Variants in AMZ2 observed in about 807,000 individuals in gnomAD.
AMZ2 encodes the protein archaelysin family metallopeptidase 2, also known as archaemetzincin-2.
In AMZ2, 26 loss-of-function variants were observed where a neutral mutation model predicts 36.7. The observed-to-expected ratio is 0.71, with a 90% CI of 0.52 to 0.98. The LOEUF (loss-of-function observed/expected upper bound fraction) is 0.98, where lower values mean the gene tolerates loss of function less well. Among genes scored for constraint, AMZ2 ranks in the 50% least tolerant of loss-of-function variants. AMZ2 has a pLI of 0.00. For synonymous variants in AMZ2, 144 were observed against 149.1 expected (o/e 0.97, Z 0.25); for missense variants, 394 against 430.5 (o/e 0.92, Z 0.75).
chr17:68,229,314 A>G (rs1283849454), intron 1 of AMZ2, among the ~76,000 whole-genome samples: 1 of 151,988 alleles, frequency 6.6e-6, no homozygotes, highest in Non-Finnish European at 1.5e-5. Flanking sequence ...CGAGCCCCTC[A>G]GCCCGGGTGC....
intron 1 of AMZ2, among the ~76,000 whole-genome samples, chr17:68,213,778 G>A (rs1438560956): frequency 1.3e-5 from 2 of 151,608 alleles, no homozygotes; most frequent in African/African-American, 4.8e-5. Context: ...TTGGTCTTCT[G>A]ACATTCTTAT....
At chr17:68,225,015 T>TAA (rs34686374) in intron 1 of AMZ2, among the ~76,000 whole-genome samples, 17 of 142,064 alleles carry the variant, frequency 1.2e-4, no homozygotes, top group South Asian at 2.2e-4. Context: ...CCGTTTCTAC[T>TAA]AAAAAAAAAA....
intron 6 of AMZ2, among the ~76,000 whole-genome samples, chr17:68,256,576 C>A (rs1163181904): frequency 1.3e-5 from 2 of 152,306 alleles, no homozygotes; most frequent in Admixed American, 1.3e-4. Context: ...GAGTGTATTT[C>A]TTTTTCATCT....
rs575931127 is a variant in AMZ2, at chr17:68,251,186, G to A, written c.586+8G>A. The A allele has an allele frequency of 1.6e-5, 26 of 1,603,140 alleles. No individual in the cohort carries two copies. The South Asian group carries it at 1.8e-4, about 11-fold the overall frequency. ...AGGCCTCTTTGACAGATGGTATTCC[G>A]TTTTTGGCATTGTTGTTAGAAGCTT... is the stretch of plus-strand genomic sequence containing the variant. On this transcript the variant is annotated splice_region_variant and intron_variant, in intron 4 of 6. Coordinates refer to ENST00000359904, the MANE Select transcript of AMZ2 (RefSeq NM_016627.5).
chr17:68,232,770 G>A (rs2144607586), intron 1 of AMZ2, among the ~76,000 whole-genome samples: 1 of 152,200 alleles, frequency 6.6e-6, no homozygotes, highest in Admixed American at 6.5e-5. Context: ...TTTGAACCTA[G>A]GGGGTGGAGG....
chr17:68,211,560 C>T (rs1644457550), intron 1 of AMZ2, among the ~76,000 whole-genome samples: 1 of 150,338 alleles, frequency 6.7e-6, no homozygotes, highest in Non-Finnish European at 1.5e-5. Context: ...GTTTTACAAC[C>T]TTGTGAATAC....
At chr17:68,226,657 G>A (rs2073524093) in intron 1 of AMZ2, among the ~76,000 whole-genome samples, 1 of 152,294 alleles carries the variant, frequency 6.6e-6, no homozygotes, top group East Asian at 1.9e-4. Context: ...CTGGTGGAGG[G>A]CAGGCATCAT....
chr17:68,211,764 A>G (rs1372984851), intron 1 of AMZ2, among the ~76,000 whole-genome samples: 2 of 137,944 alleles, frequency 1.4e-5, no homozygotes, highest in Non-Finnish European at 3.0e-5. Flanking sequence ...GTATATGTAT[A>G]TATGTGTATA....
At chr17:68,229,281 A>T (rs1459696736) in intron 1 of AMZ2, among the ~76,000 whole-genome samples, 1 of 152,230 alleles carries the variant, frequency 6.6e-6, no homozygotes, top group African/African-American at 2.4e-5. Context: ...GGGGAAGCAC[A>T]GCCGTGGCTG....
chr17:68,209,878 C>T (rs1482654537), intron 1 of AMZ2, among the ~76,000 whole-genome samples: 1 of 151,788 alleles, frequency 6.6e-6, no homozygotes, highest in Non-Finnish European at 1.5e-5. Context: ...CCTTTGGCCC[C>T]CCAAAATGCT....
In AMZ2 at chr17:68,255,790, G is replaced by A; in HGVS notation, c.841G>A (p.Ala281Thr). Residue 281 changes from alanine (A) to threonine (T), a missense_variant, in exon 6 of 7, where the codon GCT (alanine) becomes ACT (threonine). Transcript: ENST00000359904. The stretch of plus-strand genomic sequence containing the variant: ...GCAAGGCTCCAACCACTTGGAAGAA[G>A]CTGACCGGCGCCCTCTAAACCTTTG... ...LMQGSNHLEE[A>T]DRRPLNLCPI... 1 of 1,614,192 alleles carries A rather than the reference G, an allele frequency of 6.2e-7. No homozygotes were observed. The highest frequency in any genetic ancestry group is 8.5e-7 in the Non-Finnish European group (1 of 1,180,034).
rs1466972772 is a variant in AMZ2, at chr17:68,235,208, G to A, written c.-66-13432G>A. On this transcript the variant is annotated intron_variant, in intron 1 of 7. Transcript: ENST00000674770. The surrounding 1 kb of genome is among the most constrained non-coding windows in gnomAD (Gnocchi z 4.2). ...TATATCACAAGTACTTGTCTCCAGC[G>A]CTGGTTTCTTAGCAAAAAAACAACT... 4.6e-5 allele frequency among the ~76,000 whole-genome samples: 7 copies of A among 152,128 alleles called. No homozygotes were observed. Among genetic ancestry groups the A allele is most frequent in the Admixed American group, 4.6e-4 (7 of 15,280 alleles).
intron 1 of AMZ2, among the ~76,000 whole-genome samples, chr17:68,209,581 G>GGTGTGTGTGT (rs71142139): frequency 1.1e-4 from 12 of 106,914 alleles, no homozygotes; most frequent in Admixed American, 4.8e-4. Flanking sequence ...AATAATTGTG[G>GGTGTGTGTGT]GTGTGTGTGT....
In AMZ2 at chr17:68,256,888, T is replaced by C. The variant is rs781872181; in HGVS notation, c.1002T>C (p.Asn334=). The C allele has an allele frequency of 1.9e-6, 3 of 1,614,030 alleles. No homozygotes were observed. Among genetic ancestry groups the C allele is most frequent in the Non-Finnish European group, 1.7e-6 (2 of 1,180,032 alleles). ...CTCCAGAACACAGTCACGAGGATAA[T>C]GGGAATTTACCGAAACCCGTGGAAG... ...GATPEHSHED[N]GNLPKPVEAF... The change falls in exon 7 of 7, where the codon AAT becomes AAC. Residue 334 remains asparagine (N), a synonymous_variant. Coordinates refer to ENST00000359904, the MANE Select transcript of AMZ2 (RefSeq NM_016627.5).
At chr17:68,217,668 T>C (rs1344788418) in intron 1 of AMZ2, among the ~76,000 whole-genome samples, 2 of 152,184 alleles carry the variant, frequency 1.3e-5, no homozygotes, top group Non-Finnish European at 2.9e-5. Context: ...CATGTAAAAT[T>C]TTCACACAGT....
At chr17:68,255,920 C>T in intron 6 of AMZ2, 44 bp downstream of exon 6, 1 of 1,586,550 alleles carries the variant, frequency 6.3e-7, no homozygotes, top group Non-Finnish European at 8.6e-7. Context: ...AAGTGGTTAT[C>T]TGAGTAGCAA....
At chr17:68,247,575 A>C (rs1362810127), upstream of AMZ2, 1 of 957,938 alleles carries the variant, frequency 1.0e-6, no homozygotes, top group African/African-American at 1.8e-5. Context: ...GCCCCCAACA[A>C]ATAAAGAAGG....
intron 1 of AMZ2, among the ~76,000 whole-genome samples, chr17:68,220,611 T>C (rs545520750): frequency 6.6e-6 from 1 of 152,114 alleles, no homozygotes; most frequent in African/African-American, 2.4e-5. Flanking sequence ...GATCCACTTA[T>C]GGAGTTGAAT....
upstream of AMZ2, chr17:68,247,978 GTGCGCGACGCAGC>G (rs2074110839): frequency 2.0e-6 from 2 of 984,766 alleles, no homozygotes; most frequent in Admixed American, 6.1e-5. Context: ...CCCACAGGGC[GTGCGCGACGCAGC>G]GGCGCGGCGC....
Sources: allele counts gnomAD v4.1 joint callset (sites outside exome capture counted in the v4.1 genomes callset), GRCh38; gene constraint gnomAD v4.1.1; non-coding constraint Gnocchi (gnomAD v3.1); transcripts MANE v1.5; gene names NCBI Gene and HGNC (gene_info 2026-07-23, HGNC 2026-07-21).